STK32A: variants seen among roughly 807,000 people sequenced by gnomAD.
The protein encoded by STK32A is serine/threonine-protein kinase 32A.
Under a neutral mutation model 53.2 loss-of-function variants are expected in STK32A, and 41 were observed. That is an observed-to-expected ratio of 0.77 (90% CI 0.60 to 1.00). STK32A has a LOEUF of 1.00. Ranked by LOEUF, STK32A falls within the 50% of genes least tolerant of loss-of-function variation. STK32A has a pLI of 0.00. For missense variants in STK32A, 458 were observed against 485.8 expected, an observed-to-expected ratio of 0.94 and a Z score of 0.54; for synonymous variants, 166 against 162.8, an observed-to-expected ratio of 1.02 and a Z score of -0.15.
intron 6 of STK32A, among the ~76,000 whole-genome samples, chr5:147,347,619 T>C (rs1755753120): frequency 6.6e-6 from 1 of 152,156 alleles, no homozygotes; most frequent in African/African-American, 2.4e-5. Context: ...AATATTTCAA[T>C]GGTGCTGAGG....
chr5:147,325,117 T>C (rs544222786), intron 5 of STK32A, among the ~76,000 whole-genome samples: 4 of 152,252 alleles, frequency 2.6e-5, no homozygotes, highest in Non-Finnish European at 4.4e-5. Flanking sequence ...CTTACACATA[T>C]GAAATATATG....
At chr5:147,272,217 T>A (rs1234690855) in intron 2 of STK32A, among the ~76,000 whole-genome samples, 1 of 152,024 alleles carries the variant, frequency 6.6e-6, no homozygotes, top group East Asian at 1.9e-4. Context: ...GCTGGGATTA[T>A]AGGCGCACAC....
chr5:147,330,962 T>C (rs536920540), intron 5 of STK32A, among the ~76,000 whole-genome samples: 1 of 152,346 alleles, frequency 6.6e-6, no homozygotes, highest in African/African-American at 2.4e-5. Flanking sequence ...CACCTTTGTG[T>C]CTAATTCTCA....
chr5:147,278,388 C>T (rs1397127322), intron 3 of STK32A, among the ~76,000 whole-genome samples: 2 of 152,174 alleles, frequency 1.3e-5, no homozygotes, highest in Non-Finnish European at 2.9e-5. Flanking sequence ...ATACTGTTGT[C>T]AGAATAATCT....
At position 147,262,882 on chromosome 5, in the gene STK32A, T is replaced by C. The variant is rs181015373; in HGVS notation, c.53-15242T>C. 2.7e-3 allele frequency among the ~76,000 whole-genome samples: 408 copies of C among 152,306 alleles called. 1 individual carries two copies. The highest frequency in any genetic ancestry group is 4.2e-3 in the Non-Finnish European group (285 of 68,028). ...GTAGAACCCTCCAAAGACTCGGGAA[T>C]TGGCACTGTCACGTGCCTCTAGAGC... On this transcript the variant is annotated intron_variant, in intron 2 of 12. Coordinates refer to ENST00000397936, the MANE Select transcript of STK32A (RefSeq NM_001112724.2).
chr5:147,301,886 C>T (rs1044350435), intron 4 of STK32A, among the ~76,000 whole-genome samples: 4 of 152,144 alleles, frequency 2.6e-5, no homozygotes, highest in African/African-American at 9.7e-5. Context: ...CCTGTATTCT[C>T]GGCTTGTGGC....
chr5:147,350,994 A>G, intron 6 of STK32A, 71 bp from the exon 7 acceptor site: 23 of 1,335,470 alleles, frequency 1.7e-5, no homozygotes, highest in Non-Finnish European at 2.5e-5. Context: ...GGGTGTTTTC[A>G]GTTAAAAGCA....
intron 7 of STK32A, among the ~76,000 whole-genome samples, chr5:147,355,966 T>G (rs1756216737): frequency 6.6e-6 from 1 of 152,134 alleles, no homozygotes; most frequent in African/African-American, 2.4e-5. Flanking sequence ...AACCTAAATT[T>G]TCATTTTATA....
At position 147,323,910 on chromosome 5, in the gene STK32A, A is replaced by C. The variant is rs1754442664; in HGVS notation, c.273A>C (p.Gln91His). Residue 91 changes from glutamine (Q) to histidine (H), a missense_variant, in exon 5 of 13, where the codon CAA becomes CAC. Coordinates refer to ENST00000397936, the MANE Select transcript of STK32A (RefSeq NM_001112724.2). ...PFLVNLWYSF[Q>H]DEEDMFMVVD... ...AATGTAATTCCAGGTATTCCTTCCA[A>C]GATGAGGAAGACATGTTCATGGTGG... The C allele has an allele frequency of 1.2e-6, 2 of 1,612,892 alleles. No homozygotes were observed. The highest frequency in any genetic ancestry group is 1.7e-6 in the Non-Finnish European group (2 of 1,179,452).
chr5:147,358,113 T>A (rs1006426943), intron 7 of STK32A, among the ~76,000 whole-genome samples: 1 of 152,072 alleles, frequency 6.6e-6, no homozygotes, highest in Non-Finnish European at 1.5e-5. Flanking sequence ...CTGACCAAAA[T>A]TTAATACCCA....
At chr5:147,368,077 T>C (rs1022718736) in intron 8 of STK32A, among the ~76,000 whole-genome samples, 1 of 152,260 alleles carries the variant, frequency 6.6e-6, no homozygotes, top group Non-Finnish European at 1.5e-5. Context: ...GTTTCAGTCT[T>C]AATGAATGTG....
At chr5:147,382,091 G>A (rs890437934) in intron 11 of STK32A, among the ~76,000 whole-genome samples, 1 of 152,210 alleles carries the variant, frequency 6.6e-6, no homozygotes, top group Non-Finnish European at 1.5e-5. Context: ...GGACAAGCTT[G>A]CTATAGGCTC....
intron 4 of STK32A, among the ~76,000 whole-genome samples, chr5:147,279,840 A>C (rs1751965824): frequency 6.6e-6 from 1 of 152,052 alleles, no homozygotes; most frequent in African/African-American, 2.4e-5. Context: ...TCCTAGGTGA[A>C]ACCTAGGTCA....
intron 8 of STK32A, among the ~76,000 whole-genome samples, chr5:147,369,905 A>G (rs549645542): frequency 6.6e-6 from 1 of 152,308 alleles, no homozygotes; most frequent in African/African-American, 2.4e-5. Flanking sequence ...ATGAAATTTC[A>G]GTGTTGGTGA....
intron 2 of STK32A, among the ~76,000 whole-genome samples, chr5:147,247,165 G>T (rs1360522214): frequency 6.6e-6 from 1 of 152,158 alleles, no homozygotes; most frequent in African/African-American, 2.4e-5. Flanking sequence ...AAAGAAAATG[G>T]GAGTGCAGGC....
At chr5:147,303,664 A>G (rs901952394) in intron 4 of STK32A, among the ~76,000 whole-genome samples, 10 of 152,212 alleles carry the variant, frequency 6.6e-5, no homozygotes, top group Non-Finnish European at 1.5e-4. Flanking sequence ...ATGTTTAAGC[A>G]GTCCACAAAA....
At chr5:147,389,281 C>T (rs1436099710), downstream of STK32A, among the ~76,000 whole-genome samples, 3 of 152,176 alleles carry the variant, frequency 2.0e-5, no homozygotes, top group South Asian at 2.1e-4. Context: ...GGTGCCACAG[C>T]CACGGCTCTT....
intron 2 of STK32A, among the ~76,000 whole-genome samples, chr5:147,266,754 A>T (rs1439214845): frequency 6.6e-6 from 1 of 152,048 alleles, no homozygotes; most frequent in African/African-American, 2.4e-5. Context: ...GCTGGGCGTG[A>T]TGGCTCATAC....
At chr5:147,242,072 G>A (rs1283780702) in intron 2 of STK32A, among the ~76,000 whole-genome samples, 2 of 152,130 alleles carry the variant, frequency 1.3e-5, no homozygotes, top group Non-Finnish European at 2.9e-5. Context: ...AGAAAAACTA[G>A]GTTGAAGGAG....
Sources: allele counts gnomAD v4.1 joint callset (sites outside exome capture counted in the v4.1 genomes callset), GRCh38; gene constraint gnomAD v4.1.1; transcripts MANE v1.5; gene names NCBI Gene and HGNC (gene_info 2026-07-23, HGNC 2026-07-21).